Variants in ADCY2 observed in about 807,000 individuals in gnomAD.
ADCY2 encodes the protein adenylate cyclase 2, also known as adenylate cyclase type 2.
Under a neutral mutation model 125.2 loss-of-function variants are expected in ADCY2, and 31 were observed. The ratio of observed to expected loss-of-function variants is 0.25; its 90% CI spans 0.19 to 0.33. The LOEUF (loss-of-function observed/expected upper bound fraction) is 0.33. Among genes scored for constraint, ADCY2 ranks in the 10% least tolerant of loss-of-function variants. The pLI, the probability that ADCY2 is intolerant of heterozygous loss-of-function variation, is 1.00. For synonymous variants in ADCY2, 512 were observed against 548.4 expected (o/e 0.93, Z 0.93); for missense variants, 904 against 1,418.2 (o/e 0.64, Z 5.82).
At chr5:7,458,785 A>G (rs1741803990) in intron 2 of ADCY2, among the ~76,000 whole-genome samples, 1 of 152,202 alleles carries the variant, frequency 6.6e-6, no homozygotes, top group Admixed American at 6.5e-5. Flanking sequence ...ACACAAAACA[A>G]AGAACACATG....
At chr5:7,623,602 CA>C (rs1738027680) in intron 3 of ADCY2, among the ~76,000 whole-genome samples, 1 of 152,154 alleles carries the variant, frequency 6.6e-6, no homozygotes, top group African/African-American at 2.4e-5. Flanking sequence ...CCAGGACTGA[CA>C]TTCCCAGAAA....
At chr5:7,556,542 A>T (rs1735511989) in intron 3 of ADCY2, among the ~76,000 whole-genome samples, 1 of 152,212 alleles carries the variant, frequency 6.6e-6, no homozygotes, top group Admixed American at 6.5e-5. Flanking sequence ...GGAAGTTTCA[A>T]CATTATATGT....
intron 2 of ADCY2, among the ~76,000 whole-genome samples, chr5:7,482,784 A>ATATATATG (rs1238934760): frequency 1.3e-4 from 18 of 143,338 alleles, no homozygotes; most frequent in South Asian, 6.4e-4. Context: ...ATATATATAT[A>ATATATATG]TATATATACA....
intron 4 of ADCY2, among the ~76,000 whole-genome samples, chr5:7,651,526 G>A (rs1739089251): frequency 6.6e-6 from 1 of 152,142 alleles, no homozygotes; most frequent in Non-Finnish European, 1.5e-5. Flanking sequence ...AGATGAGGCT[G>A]GAAGACTAAG....
chr5:7,438,647 G>A (rs1033897997), intron 2 of ADCY2, among the ~76,000 whole-genome samples: 9 of 152,168 alleles, frequency 5.9e-5, no homozygotes, highest in African/African-American at 9.7e-5. Context: ...CTGCTTGCCC[G>A]CTGTATGTGA....
intron 4 of ADCY2, among the ~76,000 whole-genome samples, chr5:7,641,953 C>T (rs1738725779): frequency 6.6e-6 from 1 of 152,098 alleles, no homozygotes; most frequent in African/African-American, 2.4e-5. Flanking sequence ...GATTCCATGT[C>T]TTTGTGACTG....
intron 2 of ADCY2, among the ~76,000 whole-genome samples, chr5:7,513,733 T>C (rs4546348): frequency 0.98 from 149,775 of 152,326 alleles, 73,684 homozygotes; most frequent in Middle Eastern, 1. Context: ...AAGAACTATA[T>C]TGCGGTACTA....
chr5:7,802,147 A>G lies in ADCY2; in HGVS notation c.2629-71A>G. 6.5e-7 allele frequency: 1 copy of G among 1,550,226 alleles called. No homozygotes were observed. Among genetic ancestry groups the G allele is most frequent in the Non-Finnish European group, 8.8e-7 (1 of 1,142,808 alleles). On this transcript the variant is annotated intron_variant, in intron 20 of 24. Transcript: ENST00000338316. This position sits in a 1 kb window ranked among gnomAD's most constrained non-coding sequence, Gnocchi z 4.6. ...GTGTGAATCCTGGCATAAACAAGCC[A>G]CTTGCCTGTGGAGTGTTTCTGTTTA...
intron 3 of ADCY2, among the ~76,000 whole-genome samples, chr5:7,589,515 G>C (rs1011125966): frequency 5.5e-5 from 3 of 54,154 alleles, no homozygotes; most frequent in Non-Finnish European, 1.4e-4. Flanking sequence ...AGAAAGAAAA[G>C]AAAAGAAAGA....
At chr5:7,717,115 A>G in intron 11 of ADCY2, 42 bp from the exon 12 acceptor site, 1 of 1,341,152 alleles carries the variant, frequency 7.5e-7, no homozygotes, top group East Asian at 2.3e-5. Flanking sequence ...TATTTATTTT[A>G]CTAATAATAT....
chr5:7,607,552 C>G (rs555504492), intron 3 of ADCY2, among the ~76,000 whole-genome samples: 1 of 152,218 alleles, frequency 6.6e-6, no homozygotes, highest in African/African-American at 2.4e-5. Context: ...TGAGCTCTCA[C>G]GAGTAAAGCA....
At chr5:7,640,214 C>A (rs552399351) in intron 4 of ADCY2, among the ~76,000 whole-genome samples, 21 of 151,946 alleles carry the variant, frequency 1.4e-4, no homozygotes, top group African/African-American at 5.1e-4. Context: ...ATTTTATTAA[C>A]GAGTCAAGGA....
At chr5:7,785,968 A>G (rs1443839378) in intron 19 of ADCY2, among the ~76,000 whole-genome samples, 2 of 152,256 alleles carry the variant, frequency 1.3e-5, no homozygotes, top group Non-Finnish European at 2.9e-5. Context: ...TAAATAATCA[A>G]AAGTGTTCAA....
intron 20 of ADCY2, chr5:7,799,951 T>A (rs533111040): frequency 5.3e-5 from 8 of 152,156 alleles, no homozygotes; most frequent in African/African-American, 1.7e-4. Context: ...CCTTAAAGAC[T>A]CCAGAGGAAA....
chr5:7,466,612 A>G (rs566380314), intron 2 of ADCY2, among the ~76,000 whole-genome samples: 3 of 152,304 alleles, frequency 2.0e-5, no homozygotes, highest in South Asian at 4.2e-4. Flanking sequence ...AGAAGTGAAA[A>G]CACCACAGTC....
intron 4 of ADCY2, among the ~76,000 whole-genome samples, chr5:7,630,034 T>C (rs900579048): frequency 1.3e-5 from 2 of 152,234 alleles, no homozygotes; most frequent in African/African-American, 4.8e-5. Flanking sequence ...AACCATCCTG[T>C]GGATCAAATA....
intron 4 of ADCY2, among the ~76,000 whole-genome samples, chr5:7,673,876 T>G (rs1740023649): frequency 6.6e-6 from 1 of 152,134 alleles, no homozygotes; most frequent in African/African-American, 2.4e-5. Context: ...TTGAGGCATG[T>G]CTGTGAGGCC....
intron 4 of ADCY2, among the ~76,000 whole-genome samples, chr5:7,676,923 T>C (rs569832233): frequency 6.6e-6 from 1 of 152,292 alleles, no homozygotes; most frequent in South Asian, 2.1e-4. Flanking sequence ...GGAGTTTCTG[T>C]ATTGCCTGCT....
chr5:7,628,326 G>T (rs1157326248), intron 4 of ADCY2, among the ~76,000 whole-genome samples: 1 of 152,154 alleles, frequency 6.6e-6, no homozygotes. Flanking sequence ...CAAGTAGATG[G>T]ATTACATAAC....
Sources: gnomAD v4.1 joint callset for allele counts (sites outside exome capture counted in the v4.1 genomes callset) on GRCh38, gnomAD v4.1.1 for gene constraint, Gnocchi (gnomAD v3.1) non-coding constraint, MANE v1.5 for transcripts, NCBI Gene and HGNC (gene_info 2026-07-23, HGNC 2026-07-21) for gene names.